TMCC2: variants seen among roughly 807,000 people sequenced by gnomAD.
TMCC2 encodes the protein transmembrane and coiled-coil domain family 2, also known as transmembrane and coiled-coil domains protein 2.
A neutral mutation model predicts 49.4 loss-of-function variants in TMCC2; 16 were observed. The observed-to-expected ratio is 0.32, with a 90% CI of 0.22 to 0.49. TMCC2 has a LOEUF of 0.49. Among genes scored for constraint, TMCC2 ranks in the 20% least tolerant of loss-of-function variants. The pLI, the probability that TMCC2 is intolerant of heterozygous loss-of-function variation, is 0.99. For synonymous variants in TMCC2, 397 were observed against 434.1 expected (o/e 0.91, Z 1.06); for missense variants, 762 against 989.8 (o/e 0.77, Z 3.09).
chr1:205,229,820 C>G, intron 1 of TMCC2: 1 of 985,384 alleles, frequency 1.0e-6, no homozygotes, highest in Non-Finnish European at 1.2e-6. Context: ...AGACAATTGG[C>G]GAGCTGTCTT....
intron 2 of TMCC2, among the ~76,000 whole-genome samples, chr1:205,259,979 C>T (rs1354421736): frequency 6.6e-6 from 1 of 152,196 alleles, no homozygotes; most frequent in Non-Finnish European, 1.5e-5. Flanking sequence ...CATTTGTCAG[C>T]ACTTCTCAGC....
At chr1:205,235,887 G>A (rs566901583) in intron 1 of TMCC2, among the ~76,000 whole-genome samples, 131 of 152,182 alleles carry the variant, frequency 8.6e-4, no homozygotes, top group South Asian at 5.0e-3. Context: ...GGCCAGCATG[G>A]TGAAACCCCG....
chr1:205,241,645 C>A lies in TMCC2; in HGVS notation c.348C>A (p.Asp116Glu). The A allele has an allele frequency of 6.2e-7, 1 of 1,613,878 alleles. No homozygotes were observed. Among genetic ancestry groups the A allele is most frequent in the Non-Finnish European group, 8.5e-7 (1 of 1,179,972 alleles). Residue 116 changes from aspartate to glutamate, a missense_variant, in exon 2 of 5, where the codon GAC becomes GAA. Physicochemically the swap from Asp to Glu is conservative, Grantham distance 45. Around this residue, in one of 2 missense-constraint regions of TMCC2, gnomAD observed 322 missense variants for 353.1 expected, o/e 0.91. Transcript: ENST00000358024. This position sits in a 1 kb window ranked among gnomAD's most constrained non-coding sequence, Gnocchi z 7.3. The stretch of plus-strand genomic sequence containing the variant: ...ATCAGCAGCAGCAGGGTATGTCCGA[C>A]CATGACTCCCCAGATGAGAAGGAGC... ...QQHQQQQGMS[D>E]HDSPDEKERS...
At chr1:205,251,660 G>C (rs572892485) in intron 2 of TMCC2, among the ~76,000 whole-genome samples, 1 of 152,320 alleles carries the variant, frequency 6.6e-6, no homozygotes, top group African/African-American at 2.4e-5. Flanking sequence ...TGCCTGAGAA[G>C]GTAGCTTCAG....
At chr1:205,236,686 C>G (rs1190904673) in intron 1 of TMCC2, 1 of 152,194 alleles carries the variant, frequency 6.6e-6, no homozygotes, top group Non-Finnish European at 1.5e-5. Flanking sequence ...CAAGGCAGTA[C>G]ACGATTAATT....
intron 2 of TMCC2, among the ~76,000 whole-genome samples, chr1:205,253,355 C>A (rs1171801263): frequency 2.0e-5 from 3 of 152,236 alleles, no homozygotes; most frequent in Non-Finnish European, 4.4e-5. Flanking sequence ...ACCTTCCAGA[C>A]GTGCAGAGAG....
chr1:205,248,537 C>T (rs1660543855), intron 2 of TMCC2, among the ~76,000 whole-genome samples: 1 of 152,198 alleles, frequency 6.6e-6, no homozygotes, highest in Non-Finnish European at 1.5e-5. Flanking sequence ...ATTGTGGGTG[C>T]ACTTGGGCAT....
chr1:205,257,295 G>A (rs1460882470), intron 2 of TMCC2: 149 of 1,232,164 alleles, frequency 1.2e-4, no homozygotes, highest in Non-Finnish European at 1.5e-4. Flanking sequence ...GACACAGTCC[G>A]CAGACAGCTG....
intron 3 of TMCC2, 129 bp from the exon 4 acceptor site, chr1:205,270,991 G>C (rs2102618661): frequency 7.6e-7 from 1 of 1,309,052 alleles, no homozygotes; most frequent in East Asian, 2.5e-5. Flanking sequence ...GTTAAAATTA[G>C]AACAGAGCAG....
chr1:205,236,907 A>G (rs2102532903), intron 1 of TMCC2: 1 of 152,284 alleles, frequency 6.6e-6, no homozygotes, highest in South Asian at 2.1e-4. Flanking sequence ...GCCTAAAGAC[A>G]TGGTGGATGA....
chr1:205,236,035 C>G (rs1374982121), intron 1 of TMCC2, among the ~76,000 whole-genome samples: 1 of 148,034 alleles, frequency 6.8e-6, no homozygotes, highest in Non-Finnish European at 1.5e-5. Flanking sequence ...CGCCATTACA[C>G]TCCAGCCTAG....
Position 205,230,943 on chromosome 1 carries a change from G to C in TMCC2, c.207+2172G>C, listed in dbSNP as rs112083385. Among the ~76,000 whole-genome samples, 283 of 150,060 alleles carry C rather than the reference G, an allele frequency of 1.9e-3. 1 individual carries two copies. The highest frequency in any genetic ancestry group is 6.4e-3 in the African/African-American group (260 of 40,940). ...CCCTCAACCAGAATTGAAATCAGGT[G>C]TAAGAAAAGGAGGCTTCCCCTTACC... On this transcript the variant is annotated intron_variant, in intron 1 of 4. Transcript: ENST00000358024.
rs555262062 is a variant in TMCC2, at chr1:205,264,738, C to T, written c.748-4212C>T. 1.4e-3 allele frequency among the ~76,000 whole-genome samples: 214 copies of T among 152,238 alleles called. 1 individual carries two copies. Among genetic ancestry groups the T allele is most frequent in the Non-Finnish European group, 2.3e-3 (159 of 68,012 alleles). ...AACTCCTAACCTCAGGTGATCCGCCCGCCTTGGCCTCCCAAAGTGCTGGGA... is the reference window on the plus strand; with the variant it reads ...AACTCCTAACCTCAGGTGATCCGCCTGCCTTGGCCTCCCAAAGTGCTGGGA... On this transcript the variant is annotated intron_variant, in intron 2 of 4. Coordinates refer to ENST00000358024, the MANE Select transcript of TMCC2 (RefSeq NM_014858.4). The surrounding 1 kb of genome is among the most constrained non-coding windows in gnomAD (Gnocchi z 4.2).
At chr1:205,247,464 C>G (rs1029895880) in intron 2 of TMCC2, among the ~76,000 whole-genome samples, 1 of 152,148 alleles carries the variant, frequency 6.6e-6, no homozygotes, top group African/African-American at 2.4e-5. Flanking sequence ...ATTTCCTGAC[C>G]TGGAGCTGTC....
intron 2 of TMCC2, among the ~76,000 whole-genome samples, chr1:205,246,847 G>A (rs1420439722): frequency 2.0e-5 from 3 of 152,130 alleles, no homozygotes; most frequent in Admixed American, 1.3e-4. Context: ...GGGGGAAGAC[G>A]TTGGGGTGGG....
At chr1:205,249,330 A>G (rs1400922131) in intron 2 of TMCC2, among the ~76,000 whole-genome samples, 3 of 152,072 alleles carry the variant, frequency 2.0e-5, no homozygotes, top group Non-Finnish European at 4.4e-5. Context: ...ATAAATAAGC[A>G]CCCCTGTTTA....
rs763919401 is a variant in TMCC2, at chr1:205,269,861, G to A, written c.1659G>A (p.Gln553=). Residue 553 remains glutamine, a synonymous_variant, in exon 3 of 5, where the codon CAG becomes CAA. Transcript: ENST00000358024. ...AGAGGGACTACACCTACATGACCCAGTGCCTGCAGGAGGAGCGCTACAGGT... is the reference window on the plus strand; with the variant it reads ...AGAGGGACTACACCTACATGACCCAATGCCTGCAGGAGGAGCGCTACAGGT... ...QLQRDYTYMT[Q]CLQEERYRYE... The A allele has an allele frequency of 2.5e-6, 4 of 1,613,488 alleles. No homozygotes were observed. In the South Asian group the frequency reaches 4.4e-5, roughly 18 times the overall value.
intron 2 of TMCC2, chr1:205,246,356 T>A: frequency 2.2e-6 from 1 of 449,030 alleles, no homozygotes; most frequent in Non-Finnish European, 3.3e-6. Context: ...ACCTTCAGTT[T>A]GAAGTGGCTA....
chr1:205,244,779 C>T (rs1395534668), intron 2 of TMCC2, among the ~76,000 whole-genome samples: 2 of 151,822 alleles, frequency 1.3e-5, no homozygotes, highest in Non-Finnish European at 2.9e-5. Context: ...CTTGAAACCT[C>T]GGCTAGCAGA....
Sources: allele counts gnomAD v4.1 joint callset (sites outside exome capture counted in the v4.1 genomes callset), GRCh38; gene constraint gnomAD v4.1.1; regional missense constraint gnomAD v4.1.1; non-coding constraint Gnocchi (gnomAD v3.1); transcripts MANE v1.5; gene names NCBI Gene and HGNC (gene_info 2026-07-23, HGNC 2026-07-21).